Variants in NCAM1 observed in about 807,000 individuals in gnomAD.
NCAM1 encodes the protein antigen recognized by monoclonal antibody 5.1H11.
In NCAM1, 14 loss-of-function variants were observed where a neutral mutation model predicts 109.8. The observed-to-expected ratio is 0.13, with a 90% CI of 0.08 to 0.20. The LOEUF is 0.20. Ranked by LOEUF, NCAM1 falls within the 10% of genes least tolerant of loss-of-function variation. The pLI is 1.00. For missense variants in NCAM1, 774 were observed against 1,109.9 expected (o/e 0.70, Z 4.30); for synonymous variants, 418 against 442.9 (o/e 0.94, Z 0.70).
chr11:113,240,822 C>T, intron 14 of NCAM1: 1 of 1,613,522 alleles, frequency 6.2e-7, no homozygotes, highest in South Asian at 1.1e-5. Context: ...GTTCCATTGT[C>T]TCCACCAGAT....
chr11:113,140,405 A>T (rs1555100197), intron 1 of NCAM1, among the ~76,000 whole-genome samples: 1 of 152,158 alleles, frequency 6.6e-6, no homozygotes, highest in African/African-American at 2.4e-5. Flanking sequence ...CCTGTGGTCC[A>T]GCATTATGAA....
At chr11:113,223,172 G>A (rs1449331123) in intron 9 of NCAM1, among the ~76,000 whole-genome samples, 3 of 152,156 alleles carry the variant, frequency 2.0e-5, no homozygotes, top group Admixed American at 1.3e-4. Flanking sequence ...CAGCCTGGGT[G>A]GTCAGCATGA....
intron 14 of NCAM1, chr11:113,243,740 G>GA (rs1427375507): frequency 7.0e-5 from 21 of 301,198 alleles, no homozygotes; most frequent in South Asian, 2.9e-4. Context: ...TGCTTGCACA[G>GA]AAAAAAAATG....
At chr11:113,024,042 A>G (rs1263492444) in intron 1 of NCAM1, among the ~76,000 whole-genome samples, 1 of 151,860 alleles carries the variant, frequency 6.6e-6, no homozygotes, top group Non-Finnish European at 1.5e-5. Flanking sequence ...CATGGCAGGT[A>G]CCTTGATCAC....
intron 1 of NCAM1, among the ~76,000 whole-genome samples, chr11:113,167,351 C>A (rs1393205015): frequency 6.6e-6 from 1 of 152,092 alleles, no homozygotes; most frequent in Admixed American, 6.6e-5. Flanking sequence ...GCCTTCCAGT[C>A]TGGGGTGCCA....
chr11:113,037,091 C>T (rs1268068629), intron 1 of NCAM1, among the ~76,000 whole-genome samples: 4 of 152,184 alleles, frequency 2.6e-5, no homozygotes, highest in Admixed American at 2.6e-4. Context: ...GAGTTTTTAT[C>T]AGGTACCTGA....
chr11:113,156,805 G>A (rs543054448), intron 1 of NCAM1, among the ~76,000 whole-genome samples: 1 of 152,184 alleles, frequency 6.6e-6, no homozygotes, highest in Admixed American at 6.5e-5. Context: ...AGGAACATAT[G>A]GGCAAAGAGG....
chr11:113,245,654 G>A (rs1408626158), intron 14 of NCAM1, among the ~76,000 whole-genome samples: 1 of 152,114 alleles, frequency 6.6e-6, no homozygotes, highest in Non-Finnish European at 1.5e-5. Context: ...AATAACATGG[G>A]TTTGTGGAGA....
At chr11:112,968,108 G>C (rs1333533051) in intron 1 of NCAM1, among the ~76,000 whole-genome samples, 1 of 152,116 alleles carries the variant, frequency 6.6e-6, no homozygotes, top group Non-Finnish European at 1.5e-5. Context: ...TAAACTAATC[G>C]TTCCAGTTTA....
intron 6 of NCAM1, 119 bp from the exon 7 acceptor site, chr11:113,207,714 T>G (rs1011248401): frequency 3.6e-6 from 4 of 1,120,204 alleles, no homozygotes; most frequent in Non-Finnish European, 5.1e-6. Flanking sequence ...CTTAACTTTT[T>G]GTGAAGACTG....
At chr11:113,049,674 C>A (rs180979642) in intron 1 of NCAM1, among the ~76,000 whole-genome samples, 74 of 151,954 alleles carry the variant, frequency 4.9e-4, no homozygotes, top group Non-Finnish European at 8.2e-4. Flanking sequence ...TAGGTCTTTG[C>A]GTTAAAACTC....
At chr11:113,060,498 G>C (rs1163436300) in intron 1 of NCAM1, among the ~76,000 whole-genome samples, 1 of 152,128 alleles carries the variant, frequency 6.6e-6, no homozygotes, top group Non-Finnish European at 1.5e-5. Context: ...GATGTGCGAG[G>C]TTCAGCTTAT....
intron 1 of NCAM1, among the ~76,000 whole-genome samples, chr11:112,977,990 T>C (rs1162493662): frequency 1.3e-5 from 2 of 151,846 alleles, no homozygotes; most frequent in Non-Finnish European, 2.9e-5. Flanking sequence ...GTGCAGTGTT[T>C]TGTGGAAGAA....
intron 16 of NCAM1, among the ~76,000 whole-genome samples, chr11:113,257,132 C>G (rs1945853956): frequency 6.6e-6 from 1 of 152,204 alleles, no homozygotes; most frequent in Non-Finnish European, 1.5e-5. Context: ...GAGGCCCAGT[C>G]CAGAGATCCC....
chr11:113,250,905 C>A (rs1446419505), intron 15 of NCAM1, among the ~76,000 whole-genome samples: 5 of 152,182 alleles, frequency 3.3e-5, no homozygotes, highest in African/African-American at 1.2e-4. Context: ...TCAAGCAATT[C>A]TCCTGCCTCA....
At chr11:113,263,499 C>T in intron 17 of NCAM1, 1 of 985,696 alleles carries the variant, frequency 1.0e-6, no homozygotes, top group Non-Finnish European at 1.2e-6. Context: ...CCCCTGTTGC[C>T]CATGCACTGG....
At chr11:113,164,629 A>G (rs1318281841) in intron 1 of NCAM1, among the ~76,000 whole-genome samples, 5 of 152,172 alleles carry the variant, frequency 3.3e-5, no homozygotes, top group Non-Finnish European at 7.3e-5. Context: ...ATTACAGAGG[A>G]TATAGTTGAA....
chr11:113,040,202 T>C (rs184186416), intron 1 of NCAM1, among the ~76,000 whole-genome samples: 1 of 152,310 alleles, frequency 6.6e-6, no homozygotes, highest in East Asian at 1.9e-4. Context: ...CTTACCTTTT[T>C]GCTGTTGTTT....
In NCAM1 at chr11:113,097,882, T is replaced by TA. The variant is rs1555090739; in HGVS notation, c.53-104497_53-104496insA. The stretch of plus-strand genomic sequence containing the variant: ...TGAGAAAGAAAACTATAGAGAGACT[T>TA]TATTTATCTCCTGTTGCAGGGGCAA... On this transcript the variant is annotated intron_variant, in intron 1 of 19. Coordinates refer to ENST00000316851, the MANE Select transcript of NCAM1 (RefSeq NM_181351.5). 3.3e-5 allele frequency among the ~76,000 whole-genome samples: 5 copies of TA among 152,222 alleles called. No individual in the cohort carries two copies. In the South Asian group the frequency reaches 6.2e-4, roughly 19 times the overall value.
Sources: gnomAD v4.1 joint callset for allele counts (sites outside exome capture counted in the v4.1 genomes callset) on GRCh38, gnomAD v4.1.1 for gene constraint, MANE v1.5 for transcripts, NCBI Gene and HGNC (gene_info 2026-07-23, HGNC 2026-07-21) for gene names.